The following RASSF9 variants were observed in gnomAD, a reference collection of about 807,000 sequenced individuals.
The protein encoded by RASSF9 is ras association domain-containing protein 9.
In RASSF9, 18 loss-of-function variants were observed where a neutral mutation model predicts 21.4. That is an observed-to-expected ratio of 0.84 (90% CI 0.58 to 1.25). The LOEUF is 1.25. RASSF9 is among the 50% of genes most tolerant of loss of function. RASSF9 has a pLI of 0.00. For missense variants in RASSF9, 480 were observed against 503.2 expected (o/e 0.95, Z 0.44); for synonymous variants, 183 against 179.1 (o/e 1.02, Z -0.18).
chr12:85,827,333 A>G (rs1166147675), intron 1 of RASSF9, among the ~76,000 whole-genome samples: 5 of 152,132 alleles, frequency 3.3e-5, no homozygotes, highest in African/African-American at 1.2e-4. Context: ...CAATTTTGTC[A>G]CCTACATTCC....
chr12:85,835,910 C>G (rs59041050), intron 1 of RASSF9, among the ~76,000 whole-genome samples: 3,536 of 152,196 alleles, frequency 0.023, 150 homozygotes, highest in African/African-American at 0.081. Flanking sequence ...AATATAATCA[C>G]TCTTTATTCT....
chr12:85,816,693 G>C (rs1017478300), intron 1 of RASSF9, among the ~76,000 whole-genome samples: 1 of 151,896 alleles, frequency 6.6e-6, no homozygotes, highest in African/African-American at 2.4e-5. Flanking sequence ...ATAATACAGA[G>C]AAAAAAATTG....
Position 85,831,533 on chromosome 12 carries a change from T to C in RASSF9, c.47+4622A>G, listed in dbSNP as rs559032901. Among the ~76,000 whole-genome samples the C allele has an allele frequency of 1.8e-4, 27 of 152,058 alleles. No individual in the cohort carries two copies. The South Asian group carries it at 5.6e-3, about 32-fold the overall frequency. The stretch of plus-strand genomic sequence containing the variant: ...CAGGGATAAAGCATTCCAGTCATTG[T>C]TCCTAATGAGCTATCCACTGCCAAC... On this transcript the variant is annotated intron_variant, in intron 1 of 1. Transcript: ENST00000361228.
intron 1 of RASSF9, among the ~76,000 whole-genome samples, chr12:85,807,086 A>G (rs11833148): frequency 6.6e-6 from 1 of 152,050 alleles, no homozygotes; most frequent in Non-Finnish European, 1.5e-5. Context: ...AGAAGGGCGG[A>G]CTATTTTACT....
At chr12:85,826,606 C>T (rs1292451795) in intron 1 of RASSF9, among the ~76,000 whole-genome samples, 2 of 151,958 alleles carry the variant, frequency 1.3e-5, no homozygotes, top group East Asian at 3.9e-4. Context: ...TGCCACCGTG[C>T]CTGGCTAATT....
intron 1 of RASSF9, among the ~76,000 whole-genome samples, chr12:85,817,388 A>G (rs935928719): frequency 2.0e-5 from 3 of 152,124 alleles, no homozygotes; most frequent in Non-Finnish European, 4.4e-5. Context: ...TACCTAATAA[A>G]TTAATTTAGC....
intron 1 of RASSF9, among the ~76,000 whole-genome samples, chr12:85,810,032 T>C (rs1455142962): frequency 1.3e-5 from 2 of 151,966 alleles, no homozygotes; most frequent in Non-Finnish European, 2.9e-5. Context: ...TTACAATCAT[T>C]CAAACAGAAC....
At chr12:85,806,605 G>A (rs1469249096) in intron 1 of RASSF9, among the ~76,000 whole-genome samples, 1 of 147,184 alleles carries the variant, frequency 6.8e-6, no homozygotes, top group African/African-American at 2.5e-5. Flanking sequence ...TCCAGGAGGC[G>A]GTGGTTGCAG....
intron 1 of RASSF9, among the ~76,000 whole-genome samples, chr12:85,827,398 A>T (rs1880356643): frequency 1.3e-5 from 2 of 152,160 alleles, no homozygotes. Flanking sequence ...CTGTAATGTC[A>T]CCGCAACTAG....
intron 1 of RASSF9, among the ~76,000 whole-genome samples, chr12:85,811,675 G>A (rs909777400): frequency 6.6e-6 from 1 of 151,762 alleles, no homozygotes; most frequent in Non-Finnish European, 1.5e-5. Flanking sequence ...ATTCAATCGG[G>A]TCATGGCTTC....
chr12:85,809,706 T>C (rs919447420), intron 1 of RASSF9, among the ~76,000 whole-genome samples: 13 of 136,004 alleles, frequency 9.6e-5, no homozygotes, highest in African/African-American at 3.5e-4. Flanking sequence ...ATGATGATGA[T>C]GATGATGTAT....
intron 1 of RASSF9, among the ~76,000 whole-genome samples, chr12:85,831,580 G>A (rs916806802): frequency 2.0e-5 from 3 of 151,858 alleles, no homozygotes; most frequent in Admixed American, 6.6e-5. Context: ...TAAGTTACCA[G>A]GTATAATCAG....
At chr12:85,822,368 T>A (rs748409575) in intron 1 of RASSF9, among the ~76,000 whole-genome samples, 27 of 152,202 alleles carry the variant, frequency 1.8e-4, no homozygotes, top group Non-Finnish European at 3.2e-4. Flanking sequence ...TGAGCCCCGT[T>A]ATCCCTGACT....
At position 85,803,943 on chromosome 12, in the gene RASSF9, C is replaced by G. The variant is rs535487000; in HGVS notation, c.*759G>C. 10 of 152,210 alleles carry G rather than the reference C, an allele frequency of 6.6e-5. No homozygotes were observed. The highest frequency in any genetic ancestry group is 1.3e-4 in the Non-Finnish European group (9 of 68,034). 9.4% of individuals were successfully genotyped at this position (152,210 alleles called of 1,614,324 possible). ...TGACTGATTTTCTCTGTAACCCACA[C>G]TATACCTCACTCAGTGAATGAACAT... On this transcript the variant is annotated 3_prime_UTR_variant, in exon 2 of 2. Transcript: ENST00000361228.
At chr12:85,835,068 A>G (rs1223261749) in intron 1 of RASSF9, among the ~76,000 whole-genome samples, 2 of 152,110 alleles carry the variant, frequency 1.3e-5, no homozygotes, top group Admixed American at 6.5e-5. Flanking sequence ...TAAAAACAGG[A>G]TTTTCAAAGT....
chr12:85,836,373 G>A lies in RASSF9; in HGVS notation c.-172C>T. The stretch of plus-strand genomic sequence containing the variant: ...GGCTGAGAAAGTTGCTGGAAGTTGT[G>A]CAACTGCTGCTTAACTTTGAACTGC... On this transcript the variant is annotated 5_prime_UTR_variant, in exon 1 of 2. Transcript: ENST00000361228. The A allele has an allele frequency of 1.4e-6, 2 of 1,382,484 alleles. No homozygotes were observed. Among genetic ancestry groups the A allele is most frequent in the Non-Finnish European group, 1.9e-6 (2 of 1,035,810 alleles). 85.6% of individuals were successfully genotyped at this position (1,382,484 alleles called of 1,614,324 possible). A position where few individuals can be genotyped will look rare whatever the true frequency, so the allele number is the denominator to read the frequency against.
At chr12:85,831,455 G>A (rs1053557116) in intron 1 of RASSF9, among the ~76,000 whole-genome samples, 1 of 151,894 alleles carries the variant, frequency 6.6e-6, no homozygotes, top group Non-Finnish European at 1.5e-5. Flanking sequence ...AACAATTCAG[G>A]TTTAACCTAG....
intron 1 of RASSF9, among the ~76,000 whole-genome samples, chr12:85,816,376 A>G (rs17280643): frequency 0.35 from 53,604 of 151,780 alleles, 10,017 homozygotes; most frequent in African/African-American, 0.43. Context: ...AGCTAAGATA[A>G]TGTCATAGCC....
chr12:85,816,136 A>G (rs1354260770), intron 1 of RASSF9, among the ~76,000 whole-genome samples: 1 of 152,058 alleles, frequency 6.6e-6, no homozygotes, highest in African/African-American at 2.4e-5. Context: ...GAGGGCAACA[A>G]CACACTGGGG....
Sources: gnomAD v4.1 joint callset for allele counts (sites outside exome capture counted in the v4.1 genomes callset) on GRCh38, gnomAD v4.1.1 for gene constraint, MANE v1.5 for transcripts, NCBI Gene and HGNC (gene_info 2026-07-23, HGNC 2026-07-21) for gene names.